The following SASH1 variants were observed in gnomAD, a reference collection of about 807,000 sequenced individuals.
The protein encoded by SASH1 is SAM and SH3 domain-containing protein 1.
A neutral mutation model predicts 125.2 loss-of-function variants in SASH1; 44 were observed. The ratio of observed to expected loss-of-function variants is 0.35; its 90% CI spans 0.28 to 0.45. SASH1 has a LOEUF of 0.45. SASH1 is among the 20% of genes least tolerant of loss of function. The probability of loss-of-function intolerance (pLI) is 1.00; values close to 1 mark genes in which losing one functional copy is unlikely to be tolerated. For missense variants in SASH1, 1,426 were observed against 1,614.5 expected (o/e 0.88, Z 2.00); for synonymous variants, 639 against 649.1 (o/e 0.98, Z 0.24).
At chr6:148,468,105 C>G (rs1003312438) in intron 4 of SASH1, among the ~76,000 whole-genome samples, 10 of 152,302 alleles carry the variant, frequency 6.6e-5, no homozygotes, top group African/African-American at 2.4e-4. Flanking sequence ...CCTCCCTGCC[C>G]CCTTTGTTTT....
In SASH1 at chr6:148,519,592, G is replaced by A. The variant is rs147468160; in HGVS notation, c.908G>A (p.Arg303Gln). Residue 303 changes from arginine (R) to glutamine (Q), a missense_variant, in exon 10 of 20, where the codon CGG becomes CAG. Arg to Gln is a conservative substitution (Grantham distance 43, BLOSUM62 1). This residue lies in a region of SASH1 where 567 missense variants were observed against 575.6 expected (regional missense o/e 0.99). Transcript: ENST00000367467. The surrounding 1 kb of genome is among the most constrained non-coding windows in gnomAD (Gnocchi z 4.8). ...VFENSPVLDERSALYSGVHKK... is the reference protein window; with the variant it reads ...VFENSPVLDEQSALYSGVHKK... ...GAGAATTCGCCGGTCCTGGATGAAC[G>A]GTCCGCCCTCTACTCTGGCGTGCAC... 5.0e-6 allele frequency: 8 copies of A among 1,614,002 alleles called. No homozygotes were observed. Among genetic ancestry groups the A allele is most frequent in the South Asian group, 4.4e-5 (4 of 91,084 alleles).
At chr6:148,348,917 G>A (rs950321063) in intron 1 of SASH1, among the ~76,000 whole-genome samples, 4 of 152,224 alleles carry the variant, frequency 2.6e-5, no homozygotes, top group African/African-American at 2.4e-5. Context: ...AGAGCGCCCC[G>A]AAGGCGGTAG....
At chr6:148,311,317 G>C (rs1277469538) in intron 1 of SASH1, among the ~76,000 whole-genome samples, 1 of 151,598 alleles carries the variant, frequency 6.6e-6, no homozygotes, top group Non-Finnish European at 1.5e-5. Context: ...ATGTTGGCCA[G>C]GCTCATCTCA....
intron 7 of SASH1, among the ~76,000 whole-genome samples, chr6:148,475,985 C>T (rs1358981585): frequency 6.6e-6 from 1 of 152,010 alleles, no homozygotes; most frequent in African/African-American, 2.4e-5. Context: ...TACTGTTATT[C>T]CACATAGTAC....
At chr6:148,326,375 C>CTTTTCT (rs1562326335) in intron 1 of SASH1, among the ~76,000 whole-genome samples, 1 of 12,386 alleles carries the variant, frequency 8.1e-5, no homozygotes, top group East Asian at 6.0e-3. Context: ...TATATATATA[C>CTTTTCT]ATTCTTTTCT....
intron 2 of SASH1, among the ~76,000 whole-genome samples, chr6:148,423,902 T>C (rs1775686473): frequency 1.3e-5 from 2 of 151,994 alleles, no homozygotes; most frequent in South Asian, 4.1e-4. Context: ...AAAAAACTCA[T>C]GTAAACGATA....
intron 4 of SASH1, among the ~76,000 whole-genome samples, chr6:148,463,683 C>G (rs754592752): frequency 1.3e-5 from 2 of 152,014 alleles, no homozygotes; most frequent in African/African-American, 2.4e-5. Context: ...TTATCTGCAG[C>G]TCTAGACTCA....
chr6:148,221,915 G>A, the SASH1 span, among the ~76,000 whole-genome samples: 8 of 152,090 alleles, frequency 5.3e-5, no homozygotes, highest in African/African-American at 1.9e-4. Flanking sequence ...ACTCTTCCTC[G>A]TAGTAGCCTT....
chr6:148,425,873 G>A (rs1775799279), intron 2 of SASH1, among the ~76,000 whole-genome samples: 1 of 151,442 alleles, frequency 6.6e-6, no homozygotes, highest in Admixed American at 6.6e-5. Context: ...ACTGTGTCTG[G>A]CCTGATTTTA....
At chr6:148,269,087 A>G (rs1779002521), upstream of SASH1, among the ~76,000 whole-genome samples, 3 of 152,182 alleles carry the variant, frequency 2.0e-5, no homozygotes, top group South Asian at 6.2e-4. Flanking sequence ...ACTGTAGCCT[A>G]CCTTTTAATA....
At chr6:148,330,347 AAG>A (rs907062377) in intron 1 of SASH1, among the ~76,000 whole-genome samples, 2 of 152,230 alleles carry the variant, frequency 1.3e-5, no homozygotes, top group African/African-American at 4.8e-5. Context: ...GAAGCAGAGC[AAG>A]AGTTTTAACT....
At chr6:148,390,431 G>A (rs552998009) in intron 2 of SASH1, among the ~76,000 whole-genome samples, 169 bp downstream of exon 2, 21 of 152,264 alleles carry the variant, frequency 1.4e-4, no homozygotes, top group East Asian at 1.2e-3. Flanking sequence ...CAGTTCTGCC[G>A]CAGATATCAA....
intron 9 of SASH1, among the ~76,000 whole-genome samples, chr6:148,518,382 T>TTTG (rs759628933): frequency 1.3e-5 from 2 of 152,182 alleles, no homozygotes; most frequent in African/African-American, 4.8e-5. Context: ...GCTGTTCTTT[T>TTTG]TTGTTGTTGT....
the SASH1 span, among the ~76,000 whole-genome samples, chr6:148,241,994 T>C: frequency 6.6e-6 from 1 of 152,230 alleles, no homozygotes; most frequent in African/African-American, 2.4e-5. Flanking sequence ...ATTACTTTGA[T>C]CTTCTTATGA....
At chr6:148,240,276 G>A in the SASH1 span, among the ~76,000 whole-genome samples, 6 of 152,006 alleles carry the variant, frequency 3.9e-5, no homozygotes, top group South Asian at 4.1e-4. Flanking sequence ...CACTTGGCCC[G>A]AGGTTGCACT....
upstream of SASH1, among the ~76,000 whole-genome samples, chr6:148,340,301 G>A (rs79258182): frequency 6.6e-6 from 1 of 151,838 alleles, no homozygotes; most frequent in East Asian, 1.9e-4. Flanking sequence ...TGACCAATAT[G>A]GTGAAACCCC....
intron 11 of SASH1, 145 bp from the exon 12 acceptor site, chr6:148,527,308 A>G: frequency 3.1e-6 from 2 of 647,338 alleles, no homozygotes; most frequent in South Asian, 2.8e-5. Flanking sequence ...AGAGATAAAT[A>G]ATAGCACTGA....
At chr6:148,542,027 C>T (rs1161357967) in intron 17 of SASH1, among the ~76,000 whole-genome samples, 5 of 152,158 alleles carry the variant, frequency 3.3e-5, no homozygotes, top group Non-Finnish European at 7.3e-5. Context: ...ATAACCTTTT[C>T]ATATCCAAAA....
At chr6:148,339,037 T>C (rs1338117031), upstream of SASH1, among the ~76,000 whole-genome samples, 2 of 140,092 alleles carry the variant, frequency 1.4e-5, no homozygotes, top group Non-Finnish European at 1.5e-5. Flanking sequence ...GAGAGAGAGA[T>C]AAAAAGCCCC....
Sources: allele counts gnomAD v4.1 joint callset (sites outside exome capture counted in the v4.1 genomes callset), GRCh38; gene constraint gnomAD v4.1.1; regional missense constraint gnomAD v4.1.1; non-coding constraint Gnocchi (gnomAD v3.1); transcripts MANE v1.5; gene names NCBI Gene and HGNC (gene_info 2026-07-23, HGNC 2026-07-21).